ASCC2: variants seen among roughly 807,000 people sequenced by gnomAD.
ASCC2 encodes the protein ASC-1 complex subunit P100.
ASCC2 carries 42 observed loss-of-function variants against 93.5 expected under a neutral mutation model. That is an observed-to-expected ratio of 0.45 (90% confidence interval 0.35 to 0.58). ASCC2 has a LOEUF of 0.58. Among genes scored for constraint, ASCC2 ranks in the 20% least tolerant of loss-of-function variants. The pLI is 0.00. For synonymous variants in ASCC2, 364 were observed against 384.2 expected (o/e 0.95, Z 0.62); for missense variants, 859 against 977.6 (o/e 0.88, Z 1.62).
intron 15 of ASCC2, among the ~76,000 whole-genome samples, chr22:29,794,265 G>A (rs553459616): frequency 4.6e-5 from 7 of 151,940 alleles, no homozygotes; most frequent in Non-Finnish European, 1.0e-4. Flanking sequence ...AGGCCGAGGC[G>A]GGTGGATCAC....
chr22:29,788,969 G>A lies in ASCC2; in HGVS notation c.*44C>T. The A allele has an allele frequency of 6.2e-7, 1 of 1,612,328 alleles. No homozygotes were observed. The highest frequency in any genetic ancestry group is 8.5e-7 in the Non-Finnish European group (1 of 1,178,566). ...CCCCAGGCGATGGGAGCACGGCCTG[G>A]TGAGTCTGGTGCCGCTGCCTCCCCA... On this transcript the variant is annotated 3_prime_UTR_variant, in exon 20 of 20. Coordinates refer to ENST00000307790, the MANE Select transcript of ASCC2 (RefSeq NM_032204.5).
In ASCC2 at chr22:29,792,456, C is replaced by T. The variant is rs766214866; in HGVS notation, c.1999G>A (p.Asp667Asn). Reference protein sequence around the residue: ...QEEDDDDEEDDADEEAPKPDH... With the variant: ...QEEDDDDEEDNADEEAPKPDH... ...ACCTTGGGAGCCTCCTCGTCAGCAT[C>T]GTCTTCCTCATCGTCGTCATCCTCC... The change falls in exon 18 of 20, where the codon GAT becomes AAT. Residue 667 changes from aspartate (D) to asparagine (N), a missense_variant. Transcript: ENST00000307790. 27 of 1,613,862 alleles carry T rather than the reference C, an allele frequency of 1.7e-5. No homozygotes were observed. The highest frequency in any genetic ancestry group is 6.7e-5 in the Admixed American group (4 of 59,998).
chr22:29,795,904 A>G (rs1053112334), intron 15 of ASCC2, among the ~76,000 whole-genome samples: 5 of 152,050 alleles, frequency 3.3e-5, no homozygotes, highest in Non-Finnish European at 7.4e-5. Flanking sequence ...GGGTCTCTGG[A>G]ATGTATCAAG....
intron 5 of ASCC2, among the ~76,000 whole-genome samples, chr22:29,819,322 G>C (rs949645300): frequency 6.6e-6 from 1 of 151,968 alleles, no homozygotes. Context: ...CACCATGCCC[G>C]GCAAATTTTT....
chr22:29,797,905 A>T (rs1467942835), intron 15 of ASCC2, among the ~76,000 whole-genome samples: 2 of 152,178 alleles, frequency 1.3e-5, no homozygotes, highest in African/African-American at 4.8e-5. Context: ...AACTGAGATT[A>T]CAGATGCCTG....
intron 15 of ASCC2, among the ~76,000 whole-genome samples, chr22:29,795,098 T>A (rs2058267385): frequency 6.6e-6 from 1 of 152,120 alleles, no homozygotes; most frequent in African/African-American, 2.4e-5. Flanking sequence ...CTAATTTTTG[T>A]ATTTTGTTAT....
At chr22:29,836,027 T>C (rs1343436718) in intron 1 of ASCC2, among the ~76,000 whole-genome samples, 1 of 149,940 alleles carries the variant, frequency 6.7e-6, no homozygotes, top group Non-Finnish European at 1.5e-5. Context: ...TCGGGTGAGG[T>C]GGCTTCCGCC....
intron 5 of ASCC2, among the ~76,000 whole-genome samples, chr22:29,818,511 C>T (rs1170023729): frequency 8.0e-6 from 1 of 125,186 alleles, no homozygotes; most frequent in African/African-American, 2.9e-5. Context: ...GTCCTGACTT[C>T]TTTTGTGCTG....
intron 5 of ASCC2, among the ~76,000 whole-genome samples, chr22:29,817,377 T>C (rs2060987449): frequency 2.0e-5 from 3 of 151,902 alleles, no homozygotes. Flanking sequence ...CTGTGAGATC[T>C]GGCCTCTGCT....
At chr22:29,798,941 C>T (rs1166253975) in intron 15 of ASCC2, among the ~76,000 whole-genome samples, 2 of 152,260 alleles carry the variant, frequency 1.3e-5, no homozygotes, top group Non-Finnish European at 2.9e-5. Flanking sequence ...CTACCCAGCA[C>T]AGTGAGTCTC....
chr22:29,831,989 G>A (rs533446390), intron 2 of ASCC2, among the ~76,000 whole-genome samples: 4 of 152,076 alleles, frequency 2.6e-5, no homozygotes, highest in Non-Finnish European at 5.9e-5. Context: ...AACTGCCATT[G>A]GACTGATTTG....
chr22:29,793,264 C>T (rs994417835), intron 17 of ASCC2, 96 bp downstream of exon 17: 2 of 1,547,240 alleles, frequency 1.3e-6, no homozygotes, highest in Admixed American at 1.7e-5. Flanking sequence ...GGTTTGGGCC[C>T]TGGATCTGCC....
intron 15 of ASCC2, among the ~76,000 whole-genome samples, chr22:29,799,593 G>A (rs1049113796): frequency 3.3e-5 from 5 of 152,168 alleles, no homozygotes; most frequent in African/African-American, 4.8e-5. Flanking sequence ...TGAACCTCAC[G>A]GTCCCCATTC....
intron 15 of ASCC2, among the ~76,000 whole-genome samples, chr22:29,794,450 C>T (rs1411009985): frequency 6.6e-6 from 1 of 151,858 alleles, no homozygotes; most frequent in African/African-American, 2.4e-5. Context: ...CGAGATCACG[C>T]CACTGCACTC....
chr22:29,832,238 G>T lies in ASCC2; in HGVS notation c.81+7C>A. 6.2e-7 allele frequency: 1 copy of T among 1,608,518 alleles called. No individual in the cohort carries two copies. On this transcript the variant is annotated splice_region_variant and intron_variant, in intron 2 of 19. Transcript: ENST00000307790. ...TCAGGCTGAATGGCCTTAAGTGACC[G>T]GCTCACCAGCGCTGGTGAAGTCCTC...
In ASCC2 at chr22:29,796,300, C is replaced by T. The variant is rs60929144; in HGVS notation, c.1689-2624G>A. ...ATTTTTTGTATTTTTTTTTAGTAGT[C>T]TTTATTAAGGACCTTCTCTGTGCCG... On this transcript the variant is annotated intron_variant, in intron 15 of 19. Coordinates refer to ENST00000307790, the MANE Select transcript of ASCC2 (RefSeq NM_032204.5). 2.3e-3 allele frequency among the ~76,000 whole-genome samples: 344 copies of T among 151,912 alleles called. 1 individual carries two copies. Among genetic ancestry groups the T allele is most frequent in the East Asian group, 0.022 (116 of 5,178 alleles).
rs373412831 is a variant in ASCC2 at position 29,792,471 on chromosome 22, C to T, written c.1984G>A (p.Asp662Asn). 66 of 1,614,002 alleles carry T rather than the reference C, an allele frequency of 4.1e-5. No homozygotes were observed. The highest frequency in any genetic ancestry group is 5.3e-5 in the Non-Finnish European group (63 of 1,179,938). Residue 662 changes from aspartate to asparagine, a missense_variant, in exon 18 of 20, where the codon GAC (aspartate) becomes AAC (asparagine). By Grantham distance (23) the Asp-to-Asn change is conservative (BLOSUM62 1). Coordinates refer to ENST00000307790, the MANE Select transcript of ASCC2 (RefSeq NM_032204.5). ...TCGTCAGCATCGTCTTCCTCATCGT[C>T]GTCATCCTCCTCCTGCCCTTCTCTA... ...VPREGQEEDD[D>N]DEEDDADEEA...
Position 29,835,682 on chromosome 22 carries a change from G to A in ASCC2, c.-18+2496C>T, listed in dbSNP as rs1033290089. ...CTATGAGAAGTAATCAATGTGAAGT[G>A]TTCAACCCAATACCTGGCACATAAT... On this transcript the variant is annotated intron_variant, in intron 1 of 19. Coordinates refer to ENST00000307790, the MANE Select transcript of ASCC2 (RefSeq NM_032204.5). 2.6e-5 allele frequency among the ~76,000 whole-genome samples: 4 copies of A among 152,260 alleles called. 1 individual carries two copies. The South Asian group carries it at 8.3e-4, about 32-fold the overall frequency.
chr22:29,789,674 G>A (rs1016549003), intron 19 of ASCC2, among the ~76,000 whole-genome samples: 3 of 152,202 alleles, frequency 2.0e-5, no homozygotes, highest in African/African-American at 4.8e-5. Flanking sequence ...GGGCTGGGAT[G>A]GATGAGAAGT....
Sources: allele counts gnomAD v4.1 joint callset (sites outside exome capture counted in the v4.1 genomes callset), GRCh38; gene constraint gnomAD v4.1.1; transcripts MANE v1.5; gene names NCBI Gene and HGNC (gene_info 2026-07-23, HGNC 2026-07-21).